The following CNBD1 variants were observed in gnomAD, a reference collection of about 807,000 sequenced individuals.
CNBD1 encodes cyclic nucleotide binding domain containing 1, also known as cyclic nucleotide-binding domain-containing protein 1.
In CNBD1, 71 loss-of-function variants were observed where a neutral mutation model predicts 54.4. The observed-to-expected ratio is 1.30, with a 90% CI of 1.08 to 1.59. The LOEUF is 1.59. Among genes scored for constraint, CNBD1 ranks in the 40% most tolerant of loss-of-function variants. CNBD1 has a pLI of 0.00. For missense variants in CNBD1, 659 were observed against 518.0 expected, an observed-to-expected ratio of 1.27 and a Z score of -2.64; for synonymous variants, 182 against 170.7, an observed-to-expected ratio of 1.07 and a Z score of -0.51.
At chr8:86,981,792 C>T (rs923376659) in intron 4 of CNBD1, among the ~76,000 whole-genome samples, 3 of 152,052 alleles carry the variant, frequency 2.0e-5, no homozygotes, top group African/African-American at 7.2e-5. Flanking sequence ...GTAATTTGTT[C>T]ATCCATTAGA....
At chr8:87,261,182 G>T (rs1309819449) in intron 6 of CNBD1, among the ~76,000 whole-genome samples, 1 of 152,060 alleles carries the variant, frequency 6.6e-6, no homozygotes, top group African/African-American at 2.4e-5. Context: ...AACCCAGTTT[G>T]GATGAGAAAT....
At chr8:87,099,269 G>T (rs1451137628) in intron 4 of CNBD1, among the ~76,000 whole-genome samples, 1 of 152,138 alleles carries the variant, frequency 6.6e-6, no homozygotes, top group African/African-American at 2.4e-5. Context: ...AGGTAGGAGA[G>T]TGATAGCAAA....
chr8:87,197,469 T>A (rs1480397853), intron 4 of CNBD1, among the ~76,000 whole-genome samples: 1 of 152,098 alleles, frequency 6.6e-6, no homozygotes, highest in Non-Finnish European at 1.5e-5. Flanking sequence ...TTTACCAGAG[T>A]GTAGCCTGGG....
Position 87,163,460 on chromosome 8 carries a change from T to C in CNBD1, c.432-42533T>C, listed in dbSNP as rs1353195505. Among the ~76,000 whole-genome samples, 1 of 152,028 alleles carries C rather than the reference T, an allele frequency of 6.6e-6. No individual in the cohort carries two copies. Reference sequence around the variant, plus strand: ...TTCTTCAACCCATGAATACAAGGTATCTTTCCATTTATTTGTGTCTTCTTC... The same window carrying C: ...TTCTTCAACCCATGAATACAAGGTACCTTTCCATTTATTTGTGTCTTCTTC... On this transcript the variant is annotated intron_variant, in intron 4 of 10. Coordinates refer to ENST00000518476, the MANE Select transcript of CNBD1 (RefSeq NM_173538.3). This position sits in a 1 kb window ranked among gnomAD's most constrained non-coding sequence, Gnocchi z 4.5.
At chr8:87,201,907 C>T (rs1306209931) in intron 4 of CNBD1, among the ~76,000 whole-genome samples, 1 of 152,104 alleles carries the variant, frequency 6.6e-6, no homozygotes, top group Non-Finnish European at 1.5e-5. Flanking sequence ...AGCCTGCCAC[C>T]ACACCTAGCT....
At chr8:87,276,119 C>T (rs978018956) in intron 6 of CNBD1, among the ~76,000 whole-genome samples, 23 of 151,824 alleles carry the variant, frequency 1.5e-4, no homozygotes, top group African/African-American at 2.7e-4. Flanking sequence ...CTATCTAATA[C>T]GTATATATAG....
chr8:87,377,280 C>G (rs1319614312), intron 10 of CNBD1, among the ~76,000 whole-genome samples: 2 of 150,968 alleles, frequency 1.3e-5, no homozygotes, highest in Non-Finnish European at 2.9e-5. Context: ...TTAGATATAT[C>G]TCCCAATGCT....
rs1257778660 is a variant in CNBD1, at chr8:87,227,296, G to A, written c.578-9623G>A. 2.1e-5 allele frequency among the ~76,000 whole-genome samples: 3 copies of A among 145,642 alleles called. No homozygotes were observed. In the Admixed American group the frequency reaches 2.1e-4, roughly 10 times the overall value. On this transcript the variant is annotated intron_variant, in intron 5 of 10. Transcript: ENST00000518476. Reference sequence around the variant, plus strand: ...GATCCTGTCATTATGATGTTAGCTGGTGATTTTGCTCGTTAGTTGATGCAG... The same window carrying A: ...GATCCTGTCATTATGATGTTAGCTGATGATTTTGCTCGTTAGTTGATGCAG...
At position 87,137,089 on chromosome 8, in the gene CNBD1, T is replaced by TATATTTATGTTCTATGTAAATTATATA. The variant is rs1463018731; in HGVS notation, c.432-68904_432-68903insATATTTATGTTCTATGTAAATTATATA. Among the ~76,000 whole-genome samples the TATATTTATGTTCTATGTAAATTATATA allele has an allele frequency of 1.1e-4, 11 of 99,880 alleles. 2 individuals are homozygous for TATATTTATGTTCTATGTAAATTATATA. Among genetic ancestry groups the TATATTTATGTTCTATGTAAATTATATA allele is most frequent in the Admixed American group, 1.2e-4 (1 of 8,644 alleles). 65.5% of individuals were successfully genotyped at this position (99,880 alleles called of 152,430 possible). ...TATATTCTATGTAAATTATATATAT[T>TATATTTATGTTCTATGTAAATTATATA]TATATTATATGTAAATTATATATAT... On this transcript the variant is annotated intron_variant, in intron 4 of 10. Coordinates refer to ENST00000518476, the MANE Select transcript of CNBD1 (RefSeq NM_173538.3).
intron 5 of CNBD1, among the ~76,000 whole-genome samples, chr8:87,209,998 T>C (rs1434798965): frequency 1.3e-5 from 2 of 152,172 alleles, no homozygotes. Context: ...TCATGGGATC[T>C]GATGGTTTTA....
intron 4 of CNBD1, among the ~76,000 whole-genome samples, chr8:87,190,884 T>C (rs1204931771): frequency 7.2e-6 from 1 of 138,602 alleles, no homozygotes; most frequent in East Asian, 2.0e-4. Flanking sequence ...TAGATACATG[T>C]ACGTATATCT....
intron 6 of CNBD1, among the ~76,000 whole-genome samples, chr8:87,266,763 C>T (rs1282781842): frequency 6.6e-6 from 1 of 151,778 alleles, no homozygotes; most frequent in South Asian, 2.1e-4. Flanking sequence ...CAAAAGAACT[C>T]GATGTAGAAC....
chr8:87,357,613 TTAA>T (rs1810445569), intron 10 of CNBD1, among the ~76,000 whole-genome samples: 1 of 152,166 alleles, frequency 6.6e-6, no homozygotes, highest in African/African-American at 2.4e-5. Context: ...ATCTTGGAAA[TTAA>T]TAACTTGTTT....
chr8:86,999,666 C>A, intron 4 of CNBD1, among the ~76,000 whole-genome samples: 1 of 152,174 alleles, frequency 6.6e-6, no homozygotes, highest in East Asian at 1.9e-4. Context: ...AAGCACATAG[C>A]AGACACTAAT....
intron 2 of CNBD1, among the ~76,000 whole-genome samples, chr8:87,388,513 A>C (rs918520596): frequency 3.3e-5 from 5 of 152,198 alleles, no homozygotes; most frequent in Non-Finnish European, 7.3e-5. Flanking sequence ...GAAATGGATA[A>C]ATTCCTCGAC....
At chr8:87,364,942 G>T (rs1395812340) in intron 10 of CNBD1, among the ~76,000 whole-genome samples, 2 of 152,054 alleles carry the variant, frequency 1.3e-5, no homozygotes, top group African/African-American at 2.4e-5. Context: ...GAGCAGTGCT[G>T]CAGTGAACAT....
intron 4 of CNBD1, among the ~76,000 whole-genome samples, chr8:87,183,652 G>T (rs1022711597): frequency 9.9e-5 from 15 of 152,088 alleles, no homozygotes; most frequent in Non-Finnish European, 2.2e-4. Flanking sequence ...TTTTTCATCT[G>T]TATGGGCTGA....
chr8:87,204,011 C>T (rs1287553097), intron 4 of CNBD1, among the ~76,000 whole-genome samples: 2 of 152,186 alleles, frequency 1.3e-5, no homozygotes, highest in Non-Finnish European at 2.9e-5. Flanking sequence ...GAACACCTGG[C>T]TCCACTACCT....
intron 8 of CNBD1, among the ~76,000 whole-genome samples, chr8:87,298,784 CA>C (rs1808931970): frequency 1.3e-5 from 2 of 151,822 alleles, no homozygotes; most frequent in African/African-American, 4.8e-5. Flanking sequence ...ATGCCCGGCC[CA>C]AATGTGCCTT....
Sources: allele counts gnomAD v4.1 joint callset (sites outside exome capture counted in the v4.1 genomes callset), GRCh38; gene constraint gnomAD v4.1.1; non-coding constraint Gnocchi (gnomAD v3.1); transcripts MANE v1.5; gene names NCBI Gene and HGNC (gene_info 2026-07-23, HGNC 2026-07-21).